The following HIVEP3 variants were observed in gnomAD, a reference collection of about 807,000 sequenced individuals.
The protein encoded by HIVEP3 is HIVEP zinc finger 3.
HIVEP3 carries 49 observed loss-of-function variants against 152.8 expected under a neutral mutation model. The observed-to-expected ratio is 0.32, with a 90% CI of 0.26 to 0.41. HIVEP3 has a LOEUF of 0.41. Ranked by LOEUF, HIVEP3 falls within the 10% of genes least tolerant of loss-of-function variation. HIVEP3 has a pLI of 1.00. For synonymous variants in HIVEP3, 1,269 were observed against 1,289.0 expected, an observed-to-expected ratio of 0.98 and a Z score of 0.33; for missense variants, 2,790 against 3,103.3, an observed-to-expected ratio of 0.90 and a Z score of 2.40.
intron 3 of HIVEP3, among the ~76,000 whole-genome samples, chr1:41,614,949 C>T (rs1324139349): frequency 6.6e-5 from 10 of 152,164 alleles, no homozygotes; most frequent in Admixed American, 5.9e-4. Context: ...CCAATACTTC[C>T]GGGGCTCTGA....
chr1:41,723,504 CA>C (rs1425306948), intron 1 of HIVEP3, among the ~76,000 whole-genome samples: 2 of 52,302 alleles, frequency 3.8e-5, no homozygotes, highest in Non-Finnish European at 8.2e-5. Flanking sequence ...ACAGCCACCA[CA>C]CACACACACA....
At chr1:41,865,010 T>C (rs1643943247) in intron 1 of HIVEP3, among the ~76,000 whole-genome samples, 1 of 152,212 alleles carries the variant, frequency 6.6e-6, no homozygotes, top group Non-Finnish European at 1.5e-5. Flanking sequence ...CTGGGACAGT[T>C]AAACAGCAAG....
intron 1 of HIVEP3, among the ~76,000 whole-genome samples, chr1:41,876,432 C>T (rs922266906): frequency 6.6e-6 from 1 of 152,092 alleles, no homozygotes; most frequent in Non-Finnish European, 1.5e-5. Flanking sequence ...GTTTCCTCAT[C>T]TGTAAAATAA....
intron 2 of HIVEP3, among the ~76,000 whole-genome samples, chr1:41,630,948 A>G (rs931470836): frequency 2.0e-5 from 3 of 152,244 alleles, no homozygotes; most frequent in Non-Finnish European, 4.4e-5. Flanking sequence ...AAATCACAAA[A>G]TAAAACAGGC....
chr1:41,757,009 G>A (rs1292300034), intron 1 of HIVEP3, among the ~76,000 whole-genome samples: 4 of 151,904 alleles, frequency 2.6e-5, no homozygotes, highest in Non-Finnish European at 5.9e-5. Flanking sequence ...TAGAGGGCAG[G>A]ATCTCAAAGA....
chr1:41,674,831 T>G (rs1645930941), intron 2 of HIVEP3, among the ~76,000 whole-genome samples: 1 of 152,104 alleles, frequency 6.6e-6, no homozygotes, highest in Non-Finnish European at 1.5e-5. Flanking sequence ...AGCTCCCCAG[T>G]GTACACAGCA....
chr1:41,890,559 T>C (rs538341484), intron 1 of HIVEP3, among the ~76,000 whole-genome samples: 3 of 152,368 alleles, frequency 2.0e-5, no homozygotes, highest in Admixed American at 6.5e-5. Flanking sequence ...GAATGATCCA[T>C]GGCCCTTTTT....
Position 41,697,985 on chromosome 1 carries a change from A to G in HIVEP3, c.-721+2931T>C, listed in dbSNP as rs970189391. Among the ~76,000 whole-genome samples the G allele has an allele frequency of 4.6e-5, 7 of 152,194 alleles. No homozygotes were observed. The East Asian group carries it at 1.3e-3, about 29-fold the overall frequency. On this transcript the variant is annotated intron_variant, in intron 2 of 8. Coordinates refer to ENST00000372583, the MANE Select transcript of HIVEP3 (RefSeq NM_024503.5). The stretch of plus-strand genomic sequence containing the variant: ...CTTCACAGCCCTGTGTGTTTGGGCC[A>G]GTCACAGTCTCTCTGTGCGTCAGTT...
chr1:41,714,848 A>T (rs1394568317), intron 1 of HIVEP3, among the ~76,000 whole-genome samples: 1 of 152,224 alleles, frequency 6.6e-6, no homozygotes, highest in African/African-American at 2.4e-5. Flanking sequence ...CCAGGTTGTC[A>T]CTGGCAACCC....
chr1:41,616,272 G>A (rs1644966805), intron 3 of HIVEP3, among the ~76,000 whole-genome samples: 1 of 152,194 alleles, frequency 6.6e-6, no homozygotes, highest in Admixed American at 6.5e-5. Flanking sequence ...ACTGATGAAT[G>A]CCACAGCAGG....
intron 1 of HIVEP3, among the ~76,000 whole-genome samples, chr1:41,895,650 C>T (rs888862885): frequency 1.3e-5 from 2 of 151,962 alleles, no homozygotes; most frequent in African/African-American, 4.8e-5. Flanking sequence ...CCCCGCAGGC[C>T]CAAGGGAAGG....
At chr1:41,711,217 G>A (rs1002457818) in intron 1 of HIVEP3, among the ~76,000 whole-genome samples, 1 of 152,244 alleles carries the variant, frequency 6.6e-6, no homozygotes, top group South Asian at 2.1e-4. Flanking sequence ...CTTCAGAGAG[G>A]GGTGAGATTT....
chr1:41,565,384 T>C (rs908506047), intron 5 of HIVEP3, among the ~76,000 whole-genome samples: 1 of 135,486 alleles, frequency 7.4e-6, no homozygotes, highest in African/African-American at 2.8e-5. Flanking sequence ...CTTCTGGGAG[T>C]GGTGACCGGT....
chr1:41,543,943 C>G (rs1643596482), intron 5 of HIVEP3: 1 of 152,212 alleles, frequency 6.6e-6, no homozygotes, highest in Non-Finnish European at 1.5e-5. Context: ...TATCTTGGAG[C>G]TGGTGGCCTT....
chr1:41,788,727 T>A (rs1247797805), intron 1 of HIVEP3, among the ~76,000 whole-genome samples: 1 of 152,194 alleles, frequency 6.6e-6, no homozygotes, highest in Non-Finnish European at 1.5e-5. Context: ...GAATGGTAAA[T>A]CCTTCTGCTA....
At chr1:41,887,673 A>G (rs12024772) in intron 1 of HIVEP3, among the ~76,000 whole-genome samples, 41,585 of 152,108 alleles carry the variant, frequency 0.27, 6,434 homozygotes, top group East Asian at 0.53. Context: ...ACCTGAGCAG[A>G]CAGCAAGAGG....
At chr1:41,730,126 G>T (rs913100863) in intron 1 of HIVEP3, among the ~76,000 whole-genome samples, 4 of 152,196 alleles carry the variant, frequency 2.6e-5, no homozygotes, top group African/African-American at 9.7e-5. Flanking sequence ...CTTTCTCACA[G>T]GGGCCCTCAA....
intron 1 of HIVEP3, among the ~76,000 whole-genome samples, chr1:41,809,498 T>C (rs1650825309): frequency 6.6e-6 from 1 of 152,206 alleles, no homozygotes; most frequent in Non-Finnish European, 1.5e-5. Flanking sequence ...ATGCAAATTG[T>C]TTTCTCTCTC....
intron 1 of HIVEP3, among the ~76,000 whole-genome samples, chr1:42,001,756 A>G (rs929162221): frequency 5.9e-5 from 9 of 152,190 alleles, no homozygotes; most frequent in African/African-American, 2.2e-4. Context: ...GTACAGACAT[A>G]CTGCTTGGTA....
Sources: gnomAD v4.1 joint callset for allele counts (sites outside exome capture counted in the v4.1 genomes callset) on GRCh38, gnomAD v4.1.1 for gene constraint, MANE v1.5 for transcripts, NCBI Gene and HGNC (gene_info 2026-07-23, HGNC 2026-07-21) for gene names.